Variants in C3orf85 observed in about 807,000 individuals in gnomAD.
The protein encoded by C3orf85 is chromosome 3 open reading frame 85, also known as uncharacterized protein C3orf85.
In C3orf85, 1 loss-of-function variant was observed where a neutral mutation model predicts 1.7. That is an observed-to-expected ratio of 0.60 (90% CI 0.21 to 2.86). The LOEUF is 2.86. Ranked by LOEUF, C3orf85 falls within the 30% of genes most tolerant of loss-of-function variation. The pLI is 0.22. For missense variants in C3orf85, 29 were observed against 21.3 expected, an observed-to-expected ratio of 1.36 and a Z score of -0.72; for synonymous variants, 17 against 8.0, an observed-to-expected ratio of 2.13 and a Z score of -1.90.
intron 2 of C3orf85, among the ~76,000 whole-genome samples, chr3:109,139,499 T>C (rs1044460143): frequency 2.0e-5 from 3 of 152,128 alleles, no homozygotes; most frequent in African/African-American, 7.2e-5. Context: ...TATGGAAATA[T>C]GGAAAAAAAA....
At chr3:109,139,957 C>A (rs530119685) in intron 2 of C3orf85, among the ~76,000 whole-genome samples, 3 of 152,316 alleles carry the variant, frequency 2.0e-5, no homozygotes, top group South Asian at 4.1e-4. Context: ...TAACACACAA[C>A]CCTGTCAGCA....
At position 109,149,724 on chromosome 3, in the gene C3orf85, T is replaced by A. The variant is rs971323811; in HGVS notation, c.184-81T>A. On this transcript the variant is annotated intron_variant, in intron 3 of 3. Coordinates refer to ENST00000622536, the MANE Select transcript of C3orf85 (RefSeq NM_001351622.2). The stretch of plus-strand genomic sequence containing the variant: ...ATATTTTTCTCATCTTTTAGGAATA[T>A]CTGTATGATAATCAGAATAACTGAT... 2.3e-5 allele frequency: 9 copies of A among 396,790 alleles called. No individual in the cohort carries two copies. The Admixed American group carries it at 4.0e-4, about 17-fold the overall frequency. The allele number at this position is 396,790 out of a possible 1,614,324, so 24.6% of individuals were successfully genotyped here.
chr3:109,141,009 C>T (rs1009438037), intron 2 of C3orf85, among the ~76,000 whole-genome samples: 12 of 152,130 alleles, frequency 7.9e-5, no homozygotes, highest in East Asian at 5.8e-4. Flanking sequence ...TTTTTTGAGA[C>T]GGAGTCTCTC....
chr3:109,146,894 C>T (rs1453604331), intron 2 of C3orf85, among the ~76,000 whole-genome samples: 1 of 152,092 alleles, frequency 6.6e-6, no homozygotes, highest in East Asian at 1.9e-4. Context: ...CACAAACTTG[C>T]TGGTTGGATT....
At chr3:109,138,080 AT>A (rs759825593) in intron 2 of C3orf85, among the ~76,000 whole-genome samples, 1 of 152,206 alleles carries the variant, frequency 6.6e-6, no homozygotes, top group African/African-American at 2.4e-5. Context: ...GACAAAGGAA[AT>A]GGTTCTGCAA....
At chr3:109,137,481 C>A (rs1242742169) in intron 2 of C3orf85, among the ~76,000 whole-genome samples, 2 of 151,578 alleles carry the variant, frequency 1.3e-5, no homozygotes, top group Admixed American at 1.3e-4. Flanking sequence ...ATGGTTAAAT[C>A]TCTATAATTT....
intron 2 of C3orf85, among the ~76,000 whole-genome samples, chr3:109,140,354 G>A (rs753666757): frequency 6.6e-6 from 1 of 152,184 alleles, no homozygotes; most frequent in African/African-American, 2.4e-5. Context: ...CTGTTAACAG[G>A]CCCTCATTTC....
rs1006521207 is a variant in C3orf85, at chr3:109,150,325, G to A, written c.*431G>A. The A allele has an allele frequency of 1.3e-5, 2 of 152,378 alleles. No individual in the cohort carries two copies. Among genetic ancestry groups the A allele is most frequent in the Non-Finnish European group, 2.9e-5 (2 of 68,192 alleles). The allele number at this position is 152,378 out of a possible 1,614,324, so 9.4% of individuals were successfully genotyped here. On this transcript the variant is annotated 3_prime_UTR_variant, in exon 4 of 4. Transcript: ENST00000622536. ...AGCTGATCCTCTTCTCTCTTCTTCA[G>A]TGCTTGTCGCATTCTTAAGTCAGTC...
chr3:109,148,322 A>G lies in C3orf85; in HGVS notation c.119A>G (p.Asn40Ser). The G allele has an allele frequency of 1.4e-6, 1 of 702,734 alleles. No individual in the cohort carries two copies. 43.5% of individuals were successfully genotyped at this position (702,734 alleles called of 1,614,324 possible). The change falls in exon 3 of 4, where the codon AAT (asparagine) becomes AGT (serine). Residue 40 changes from asparagine (N) to serine (S), a missense_variant. Transcript: ENST00000622536. ...NQFLRLKRHVNLQDYWDPDHS... is the reference protein window; with the variant it reads ...NQFLRLKRHVSLQDYWDPDHS... ...TTCCTACGTCTCAAAAGACATGTAA[A>G]TTTGCAGGATTACTGGGACCCAGAT...
chr3:109,139,002 G>A (rs1305775547), intron 2 of C3orf85, among the ~76,000 whole-genome samples: 1 of 152,118 alleles, frequency 6.6e-6, no homozygotes, highest in African/African-American at 2.4e-5. Flanking sequence ...TATGTGTCAG[G>A]GACTTTGCAT....
chr3:109,140,500 ATACTTGG>A (rs1706733679), intron 2 of C3orf85, among the ~76,000 whole-genome samples: 10 of 152,104 alleles, frequency 6.6e-5, no homozygotes, highest in African/African-American at 2.2e-4. Flanking sequence ...GGACCCCTTT[ATACTTGG>A]TTGTCTCAAT....
intron 3 of C3orf85, 83 bp downstream of exon 3, chr3:109,148,469 G>T: frequency 2.9e-6 from 2 of 696,346 alleles, no homozygotes; most frequent in South Asian, 3.0e-5. Context: ...ATTAACACAT[G>T]ACTAGCCTAG....
chr3:109,137,224 T>C (rs563856780), intron 2 of C3orf85, among the ~76,000 whole-genome samples: 55 of 152,134 alleles, frequency 3.6e-4, no homozygotes, highest in Non-Finnish European at 2.6e-4. Flanking sequence ...AGAAGTATAA[T>C]ACTTAACATA....
chr3:109,137,637 G>GTATATATATATATATATATATATATATA (rs1553767249), intron 2 of C3orf85, among the ~76,000 whole-genome samples: 1 of 79,896 alleles, frequency 1.3e-5, no homozygotes, highest in Non-Finnish European at 2.6e-5. Context: ...GTGTGTGTGT[G>GTATATATATATATATATATATATATATA]TATATATATA....
chr3:109,138,286 A>G (rs1706702939), intron 2 of C3orf85, among the ~76,000 whole-genome samples: 1 of 152,232 alleles, frequency 6.6e-6, no homozygotes, highest in African/African-American at 2.4e-5. Flanking sequence ...ACAGAGGTGT[A>G]TGCACACTGC....
intron 2 of C3orf85, among the ~76,000 whole-genome samples, chr3:109,142,300 A>G (rs1448296029): frequency 1.3e-5 from 2 of 152,224 alleles, no homozygotes; most frequent in African/African-American, 4.8e-5. Flanking sequence ...TTCTTAAAAA[A>G]TAAATATTTT....
intron 2 of C3orf85, among the ~76,000 whole-genome samples, chr3:109,143,699 G>T (rs1706765709): frequency 6.6e-6 from 1 of 152,154 alleles, no homozygotes; most frequent in African/African-American, 2.4e-5. Context: ...CAAAATATTA[G>T]AGCTGGAAAA....
At chr3:109,143,743 A>G (rs1339502420) in intron 2 of C3orf85, among the ~76,000 whole-genome samples, 2 of 152,210 alleles carry the variant, frequency 1.3e-5, no homozygotes, top group Non-Finnish European at 2.9e-5. Flanking sequence ...GACTTGTTTC[A>G]CAGAATAAAA....
At chr3:109,139,549 A>T (rs1235434928) in intron 2 of C3orf85, among the ~76,000 whole-genome samples, 4 of 152,376 alleles carry the variant, frequency 2.6e-5, no homozygotes, top group Non-Finnish European at 2.9e-5. Flanking sequence ...CCAACTTTTG[A>T]ACGCTATTAA....
Sources: gnomAD v4.1 joint callset for allele counts (sites outside exome capture counted in the v4.1 genomes callset) on GRCh38, gnomAD v4.1.1 for gene constraint, MANE v1.5 for transcripts, NCBI Gene and HGNC (gene_info 2026-07-23, HGNC 2026-07-21) for gene names.